Variants in LRRK2 observed in about 807,000 individuals in gnomAD.
LRRK2 encodes leucine-rich repeat serine/threonine-protein kinase 2.
A neutral mutation model predicts 302.6 loss-of-function variants in LRRK2; 203 were observed. The observed-to-expected ratio is 0.67, with a 90% CI of 0.60 to 0.75. LRRK2 has a LOEUF of 0.75. LRRK2 is among the 30% of genes least tolerant of loss of function. The probability of loss-of-function intolerance (pLI) is 0.00; values close to 1 mark genes in which losing one functional copy is unlikely to be tolerated. For synonymous variants in LRRK2, 1,066 were observed against 1,031.9 expected (o/e 1.03, Z -0.63); for missense variants, 2,830 against 2,951.0 (o/e 0.96, Z 0.95).
At chr12:40,345,622 C>CAA (rs144415226) in intron 41 of LRRK2, among the ~76,000 whole-genome samples, 34,501 of 66,928 alleles carry the variant, frequency 0.52, 9,096 homozygotes, top group Non-Finnish European at 0.59. Flanking sequence ...GACTCCATCT[C>CAA]AAAAAAAAAA....
intron 10 of LRRK2, 57 bp from the exon 11 acceptor site, chr12:40,252,853 A>T: frequency 8.7e-7 from 1 of 1,145,288 alleles, no homozygotes; most frequent in African/African-American, 1.5e-5. Flanking sequence ...GGCAAGTGAG[A>T]ATTTGAGATA....
At chr12:40,308,365 G>C in intron 28 of LRRK2, 102 bp from the exon 29 acceptor site, 1 of 856,800 alleles carries the variant, frequency 1.2e-6, no homozygotes, top group Non-Finnish European at 1.9e-6. Context: ...CACTCTTCTG[G>C]ATACTATATT....
intron 14 of LRRK2, 57 bp downstream of exon 14, chr12:40,263,958 A>G: frequency 1.5e-6 from 2 of 1,312,368 alleles, no homozygotes; most frequent in Non-Finnish European, 2.2e-6. Flanking sequence ...TTAAATTTGG[A>G]GAACTAGGGG....
Position 40,283,921 on chromosome 12 carries a change from A to G in LRRK2, c.2288A>G (p.Asn763Ser). The G allele has an allele frequency of 6.2e-7, 1 of 1,613,702 alleles. No homozygotes were observed. The highest frequency in any genetic ancestry group is 8.5e-7 in the Non-Finnish European group (1 of 1,179,720). The change falls in exon 19 of 51, where the codon AAT becomes AGT. Residue 763 changes from asparagine to serine, a missense_variant. Coordinates refer to ENST00000298910, the MANE Select transcript of LRRK2 (RefSeq NM_198578.4). Reference sequence around the variant, plus strand: ...CCCAAATTGGTGGAACTCTTACTGAATAGTGGATCTCGTGAACAAGATGTA... The same window carrying G: ...CCCAAATTGGTGGAACTCTTACTGAGTAGTGGATCTCGTGAACAAGATGTA... ...SSPKLVELLLNSGSREQDVRK... is the reference protein window; with the variant it reads ...SSPKLVELLLSSGSREQDVRK...
chr12:40,260,091 A>G (rs1346560284), intron 13 of LRRK2, among the ~76,000 whole-genome samples: 1 of 152,092 alleles, frequency 6.6e-6, no homozygotes, highest in Non-Finnish European at 1.5e-5. Context: ...TGTTACTGAC[A>G]TCTGTTATCA....
intron 30 of LRRK2, among the ~76,000 whole-genome samples, 199 bp from the exon 31 acceptor site, chr12:40,310,232 A>G (rs989649778): frequency 1.3e-5 from 2 of 152,128 alleles, no homozygotes; most frequent in African/African-American, 4.8e-5. Context: ...AAGGCCAAAA[A>G]TGACTTTTTA....
In LRRK2 at chr12:40,237,910, T is replaced by C. The variant is rs1338555229; in HGVS notation, c.437-59T>C. On this transcript the variant is annotated intron_variant, in intron 4 of 50. Coordinates refer to ENST00000298910, the MANE Select transcript of LRRK2 (RefSeq NM_198578.4). ...TGTAAAAATTAATTCATGTAAAAAT[T>C]AACACATTAAATGTTAAAGCAGCTC... 3.2e-6 allele frequency: 5 copies of C among 1,542,200 alleles called. No individual in the cohort carries two copies. The South Asian group carries it at 5.7e-5, about 17-fold the overall frequency.
chr12:40,268,126 A>T (rs1017747793), intron 14 of LRRK2, among the ~76,000 whole-genome samples: 1 of 152,202 alleles, frequency 6.6e-6, no homozygotes, highest in Non-Finnish European at 1.5e-5. Context: ...TTTTCCACAG[A>T]TGAAGACTTT....
intron 13 of LRRK2, among the ~76,000 whole-genome samples, chr12:40,263,241 T>G (rs185637642): frequency 2.6e-5 from 4 of 152,312 alleles, no homozygotes; most frequent in Admixed American, 2.0e-4. Context: ...ACAGTGTAGC[T>G]TAATAAAGAA....
At position 40,320,139 on chromosome 12, in the gene LRRK2, T is replaced by C. The variant is rs1314734603; in HGVS notation, c.4979T>C (p.Leu1660Ser). Residue 1660 changes from leucine to serine, a missense_variant, in exon 34 of 51, where the codon TTG (leucine) becomes TCG (serine). Physicochemically the swap from Leu to Ser is moderately radical, Grantham distance 145. Coordinates refer to ENST00000298910, the MANE Select transcript of LRRK2 (RefSeq NM_198578.4). ...FKLLEKFQIALPIGEEYLLVP... is the reference protein window; with the variant it reads ...FKLLEKFQIASPIGEEYLLVP... ...CTCCTAGAAAAATTCCAGATTGCTTTGCCAATAGGAGAAGAATATTTGCTG... is the reference window on the plus strand; with the variant it reads ...CTCCTAGAAAAATTCCAGATTGCTTCGCCAATAGGAGAAGAATATTTGCTG... 1 of 1,611,868 alleles carries C rather than the reference T, an allele frequency of 6.2e-7. No homozygotes were observed. Among genetic ancestry groups the C allele is most frequent in the Non-Finnish European group, 8.5e-7 (1 of 1,178,908 alleles).
chr12:40,268,270 C>A (rs1333477319), intron 14 of LRRK2, among the ~76,000 whole-genome samples: 1 of 152,100 alleles, frequency 6.6e-6, no homozygotes, highest in African/African-American at 2.4e-5. Context: ...TGAGGAAATC[C>A]AGTAAAGTAA....
At chr12:40,254,224 G>C (rs1942402768) in intron 11 of LRRK2, among the ~76,000 whole-genome samples, 1 of 152,170 alleles carries the variant, frequency 6.6e-6, no homozygotes, top group Non-Finnish European at 1.5e-5. Context: ...ACAGAGACCA[G>C]TGTAAGCATC....
intron 13 of LRRK2, among the ~76,000 whole-genome samples, chr12:40,262,156 G>A (rs1942799901): frequency 6.6e-6 from 1 of 152,082 alleles, no homozygotes; most frequent in South Asian, 2.1e-4. Context: ...TGTTTTATTT[G>A]AAGAAGAGAT....
chr12:40,345,188 T>TA (rs1946156134), intron 41 of LRRK2, among the ~76,000 whole-genome samples: 1 of 152,178 alleles, frequency 6.6e-6, no homozygotes. Context: ...ATTTTGGAAA[T>TA]AAAAAGGAAG....
intron 20 of LRRK2, among the ~76,000 whole-genome samples, chr12:40,292,295 C>T (rs1226829405): frequency 6.6e-6 from 1 of 151,974 alleles, no homozygotes; most frequent in Non-Finnish European, 1.5e-5. Context: ...TGTCTGTATC[C>T]AGTCATTTAA....
rs113946837 is a variant in LRRK2 at position 40,288,684 on chromosome 12, A to T, written c.2689+1145A>T. Among the ~76,000 whole-genome samples the T allele has an allele frequency of 7.9e-5, 12 of 151,896 alleles. 1 individual carries two copies. Among genetic ancestry groups the T allele is most frequent in the African/African-American group, 2.7e-4 (11 of 41,496 alleles). On this transcript the variant is annotated intron_variant, in intron 20 of 50. Coordinates refer to ENST00000298910, the MANE Select transcript of LRRK2 (RefSeq NM_198578.4). The stretch of plus-strand genomic sequence containing the variant: ...AGATGTAATTTTCATTTCCCTGATG[A>T]CTAATTATGTAGAGGATGTTTTCAT...
chr12:40,344,862 ATAATTATATG>A (rs1258839237), intron 41 of LRRK2, among the ~76,000 whole-genome samples: 3 of 152,034 alleles, frequency 2.0e-5, no homozygotes, highest in Non-Finnish European at 4.4e-5. Context: ...AATTCACATG[ATAATTATATG>A]TAATTATATT....
At chr12:40,333,954 G>GC (rs1945792131) in intron 39 of LRRK2, among the ~76,000 whole-genome samples, 1 of 152,072 alleles carries the variant, frequency 6.6e-6, no homozygotes, top group Non-Finnish European at 1.5e-5. Context: ...GGTCTGGAAG[G>GC]CCTGGGGCAT....
In LRRK2 at chr12:40,263,314, GT is replaced by G. The variant is rs1310650302; in HGVS notation, c.1544-473del. Among the ~76,000 whole-genome samples the G allele has an allele frequency of 8.1e-4, 123 of 152,218 alleles. 1 individual carries two copies. The highest frequency in any genetic ancestry group is 8.8e-5 in the Non-Finnish European group (6 of 68,016). On this transcript the variant is annotated intron_variant, in intron 13 of 50. Transcript: ENST00000298910. ...TTACAGAACTTCTAAAAAATGACAT[GT>G]TCTCTACCACCTTAATACTGAAACT...
Sources: gnomAD v4.1 joint callset for allele counts (sites outside exome capture counted in the v4.1 genomes callset) on GRCh38, gnomAD v4.1.1 for gene constraint, MANE v1.5 for transcripts, NCBI Gene and HGNC (gene_info 2026-07-23, HGNC 2026-07-21) for gene names.